CACNA2D1: variants seen among roughly 807,000 people sequenced by gnomAD.
CACNA2D1 encodes the protein calcium voltage-gated channel auxiliary subunit alpha2delta 1.
Under a neutral mutation model 171.5 loss-of-function variants are expected in CACNA2D1, and 53 were observed. The ratio of observed to expected loss-of-function variants is 0.31; its 90% CI spans 0.25 to 0.39. CACNA2D1 has a LOEUF of 0.39. Among genes scored for constraint, CACNA2D1 ranks in the 10% least tolerant of loss-of-function variants. The probability of loss-of-function intolerance (pLI) is 1.00; values close to 1 mark genes in which losing one functional copy is unlikely to be tolerated. For missense variants in CACNA2D1, 903 were observed against 1,299.8 expected, an observed-to-expected ratio of 0.69 and a Z score of 4.69; for synonymous variants, 442 against 443.1, an observed-to-expected ratio of 1.00 and a Z score of 0.03.
At chr7:82,388,074 A>C (rs1158651155) in intron 1 of CACNA2D1, among the ~76,000 whole-genome samples, 1 of 145,330 alleles carries the variant, frequency 6.9e-6, no homozygotes, top group African/African-American at 2.5e-5. Flanking sequence ...AAAAAAAAAA[A>C]AAACAAAAAC....
intron 6 of CACNA2D1, among the ~76,000 whole-genome samples, chr7:82,089,862 T>A (rs1810927413): frequency 6.6e-6 from 1 of 152,138 alleles, no homozygotes; most frequent in African/African-American, 2.4e-5. Context: ...TAAGTTTGTA[T>A]TAAGTTTGAA....
chr7:82,123,195 G>A (rs1371826871), intron 5 of CACNA2D1, among the ~76,000 whole-genome samples: 1 of 152,180 alleles, frequency 6.6e-6, no homozygotes, highest in Non-Finnish European at 1.5e-5. Context: ...AGAAGACACT[G>A]AGTCTAGTCT....
At chr7:82,204,681 G>A (rs1799826903) in intron 3 of CACNA2D1, among the ~76,000 whole-genome samples, 1 of 152,070 alleles carries the variant, frequency 6.6e-6, no homozygotes, top group Non-Finnish European at 1.5e-5. Context: ...CTGTGTTTCT[G>A]GGACCTATGT....
intron 7 of CACNA2D1, among the ~76,000 whole-genome samples, chr7:82,078,012 A>G (rs1809215344): frequency 6.6e-6 from 1 of 151,982 alleles, no homozygotes; most frequent in Non-Finnish European, 1.5e-5. Flanking sequence ...GGCTACCTGT[A>G]TGGAAAAAAA....
At chr7:81,989,902 T>C (rs1797354039) in intron 21 of CACNA2D1, among the ~76,000 whole-genome samples, 1 of 152,162 alleles carries the variant, frequency 6.6e-6, no homozygotes, top group Non-Finnish European at 1.5e-5. Flanking sequence ...TTGATGGATT[T>C]CATGTCTTGA....
chr7:82,259,888 T>C (rs1437525192), intron 3 of CACNA2D1, among the ~76,000 whole-genome samples: 3 of 152,224 alleles, frequency 2.0e-5, no homozygotes, highest in Non-Finnish European at 4.4e-5. Flanking sequence ...GATATAATTA[T>C]AGTAGGTATG....
intron 1 of CACNA2D1, among the ~76,000 whole-genome samples, chr7:82,420,256 C>T (rs1363891976): frequency 6.6e-6 from 1 of 152,128 alleles, no homozygotes; most frequent in Non-Finnish European, 1.5e-5. Flanking sequence ...CAATGAAGTA[C>T]AAACAAGTTC....
chr7:82,134,352 G>C (rs1791358245), intron 5 of CACNA2D1, among the ~76,000 whole-genome samples: 1 of 152,118 alleles, frequency 6.6e-6, no homozygotes, highest in South Asian at 2.1e-4. Context: ...TCTTAGATGA[G>C]AGAATAACAG....
Position 82,443,466 on chromosome 7 carries a change from G to A in CACNA2D1, c.-7C>T, listed in dbSNP as rs765249220. Reference sequence around the variant, plus strand: ...GCAGGCAGCCAGCAGCCATCTTCGCGATCGAAGATCAATGCCCCCTCCCTG... The same window carrying A: ...GCAGGCAGCCAGCAGCCATCTTCGCAATCGAAGATCAATGCCCCCTCCCTG... On this transcript the variant is annotated 5_prime_UTR_variant, in exon 1 of 39. Coordinates refer to ENST00000356860, the MANE Select transcript of CACNA2D1 (RefSeq NM_000722.4). The A allele has an allele frequency of 3.1e-6, 5 of 1,606,832 alleles. No homozygotes were observed. In the East Asian group the frequency reaches 6.8e-5, roughly 22 times the overall value.
intron 3 of CACNA2D1, among the ~76,000 whole-genome samples, chr7:82,208,838 C>T (rs1396452413): frequency 6.6e-6 from 1 of 152,092 alleles, no homozygotes; most frequent in Non-Finnish European, 1.5e-5. Context: ...ATTTTGTGTT[C>T]TCACCATAAA....
At chr7:82,171,779 A>T (rs1415173019) in intron 3 of CACNA2D1, among the ~76,000 whole-genome samples, 2 of 152,090 alleles carry the variant, frequency 1.3e-5, no homozygotes, top group Admixed American at 1.3e-4. Context: ...AAATATAATA[A>T]ATATACTAAA....
chr7:82,047,641 A>G (rs1804705593), intron 10 of CACNA2D1, among the ~76,000 whole-genome samples: 1 of 152,164 alleles, frequency 6.6e-6, no homozygotes, highest in Admixed American at 6.5e-5. Flanking sequence ...GACAAAAGGT[A>G]GAGTCAATTC....
intron 3 of CACNA2D1, among the ~76,000 whole-genome samples, chr7:82,326,170 T>C (rs1054635331): frequency 3.9e-5 from 6 of 152,222 alleles, no homozygotes; most frequent in Middle Eastern, 3.2e-3. Context: ...CTTTCTTAAA[T>C]GTACGTATAG....
chr7:82,074,904 G>A (rs1017837698), intron 7 of CACNA2D1, among the ~76,000 whole-genome samples: 2 of 151,834 alleles, frequency 1.3e-5, no homozygotes, highest in African/African-American at 4.8e-5. Flanking sequence ...GGGTACTTGT[G>A]CACAATGTGC....
At chr7:81,989,179 G>A (rs963502274) in intron 21 of CACNA2D1, among the ~76,000 whole-genome samples, 1 of 152,176 alleles carries the variant, frequency 6.6e-6, no homozygotes, top group Non-Finnish European at 1.5e-5. Flanking sequence ...AAAGGACAGC[G>A]TGGCTTAACC....
chr7:82,050,655 T>C (rs1483944949), intron 10 of CACNA2D1: 1 of 702,420 alleles, frequency 1.4e-6, no homozygotes, highest in Non-Finnish European at 2.6e-6. Context: ...TCTGAATAAA[T>C]TGGCTGTTAA....
At chr7:82,288,926 C>T (rs992205475) in intron 3 of CACNA2D1, among the ~76,000 whole-genome samples, 10 of 152,032 alleles carry the variant, frequency 6.6e-5, no homozygotes, top group African/African-American at 1.9e-4. Context: ...CTACAGGAAG[C>T]GAGGCTCCCT....
At chr7:82,064,183 T>C (rs750313131) in intron 9 of CACNA2D1, 121 bp downstream of exon 9, 1 of 614,450 alleles carries the variant, frequency 1.6e-6, no homozygotes, top group Non-Finnish European at 2.9e-6. Flanking sequence ...ATAAAAGTCA[T>C]CATAATTTTT....
intron 7 of CACNA2D1, among the ~76,000 whole-genome samples, chr7:82,077,108 T>A (rs562623306): frequency 6.6e-6 from 1 of 152,350 alleles, no homozygotes; most frequent in African/African-American, 2.4e-5. Context: ...AATTTAGATG[T>A]ATAAGTTGAC....
Sources: allele counts gnomAD v4.1 joint callset (sites outside exome capture counted in the v4.1 genomes callset), GRCh38; gene constraint gnomAD v4.1.1; transcripts MANE v1.5; gene names NCBI Gene and HGNC (gene_info 2026-07-23, HGNC 2026-07-21).